Variants in AGTPBP1 observed in about 807,000 individuals in gnomAD.
The protein encoded by AGTPBP1 is cytosolic carboxypeptidase 1.
Under a neutral mutation model 143.9 loss-of-function variants are expected in AGTPBP1, and 70 were observed. The ratio of observed to expected loss-of-function variants is 0.49; its 90% CI spans 0.40 to 0.59. AGTPBP1 has a LOEUF of 0.59. Among genes scored for constraint, AGTPBP1 ranks in the 20% least tolerant of loss-of-function variants. AGTPBP1 has a pLI of 0.00. For synonymous variants in AGTPBP1, 463 were observed against 500.2 expected, an observed-to-expected ratio of 0.93 and a Z score of 0.99; for missense variants, 1,229 against 1,464.5, an observed-to-expected ratio of 0.84 and a Z score of 2.62.
intron 25 of AGTPBP1, among the ~76,000 whole-genome samples, chr9:85,549,709 T>C (rs528697452): frequency 6.6e-6 from 1 of 152,252 alleles, no homozygotes; most frequent in South Asian, 2.1e-4. Context: ...CTTAGAGCAA[T>C]GTTGGTATCA....
chr9:85,593,711 T>C lies in AGTPBP1; in HGVS notation c.2424-1007A>G, dbSNP rs566465877. Among the ~76,000 whole-genome samples the C allele has an allele frequency of 7.2e-5, 11 of 152,300 alleles. No homozygotes were observed. The South Asian group carries it at 2.3e-3, about 32-fold the overall frequency. On this transcript the variant is annotated intron_variant, in intron 18 of 25. Coordinates refer to ENST00000357081, the MANE Select transcript of AGTPBP1 (RefSeq NM_001330701.2). ...AAGTATAGATAAACAAAACTCACCA[T>C]GTGTTGATAATTGTTGATACTGGGT...
chr9:85,621,192 C>A lies in AGTPBP1; in HGVS notation c.2099+10G>T, dbSNP rs1431828013. The A allele has an allele frequency of 3.5e-6, 5 of 1,414,204 alleles. No homozygotes were observed. Among genetic ancestry groups the A allele is most frequent in the South Asian group, 1.7e-5 (1 of 59,506 alleles). The allele number at this position is 1,414,204 out of a possible 1,614,324, so 87.6% of individuals were successfully genotyped here. A position where few individuals can be genotyped will look rare whatever the true frequency, so the allele number is the denominator to read the frequency against. ...AAAACTAATAAAAGTTCATTAAAAT[C>A]AAGACTTACTTTGGGTTATCCAAGT... is the stretch of plus-strand genomic sequence containing the variant. On this transcript the variant is annotated intron_variant, in intron 15 of 25. Coordinates refer to ENST00000357081, the MANE Select transcript of AGTPBP1 (RefSeq NM_001330701.2).
chr9:85,781,128 A>C, the AGTPBP1 span: 1 of 1,457,126 alleles, frequency 6.9e-7, no homozygotes, highest in Non-Finnish European at 9.0e-7. Flanking sequence ...TCAAAAAGAC[A>C]AAGAAACAAA....
intron 3 of AGTPBP1, among the ~76,000 whole-genome samples, chr9:85,687,480 T>A (rs1378666358): frequency 6.6e-6 from 1 of 151,942 alleles, no homozygotes; most frequent in Non-Finnish European, 1.5e-5. Context: ...ATAAAACAAG[T>A]CTCAAGCAAT....
intron 1 of AGTPBP1, among the ~76,000 whole-genome samples, chr9:85,740,331 T>A (rs1436003287): frequency 6.6e-6 from 1 of 152,188 alleles, no homozygotes; most frequent in Non-Finnish European, 1.5e-5. Context: ...AATGAACCTG[T>A]AACTTCACCA....
intron 25 of AGTPBP1, among the ~76,000 whole-genome samples, 160 bp from the exon 26 acceptor site, chr9:85,547,446 G>T (rs959760388): frequency 1.3e-5 from 2 of 152,112 alleles, no homozygotes; most frequent in Non-Finnish European, 2.9e-5. Context: ...TTTATAATAG[G>T]TGAAAGTTCC....
At chr9:85,760,368 C>T in the AGTPBP1 span, among the ~76,000 whole-genome samples, 2 of 152,176 alleles carry the variant, frequency 1.3e-5, no homozygotes, top group African/African-American at 4.8e-5. Flanking sequence ...CAAAAATCCT[C>T]AATAAAATAT....
At chr9:85,718,816 T>G (rs1837899332) in intron 1 of AGTPBP1, among the ~76,000 whole-genome samples, 1 of 152,204 alleles carries the variant, frequency 6.6e-6, no homozygotes. Context: ...TACACTTAAG[T>G]CTTTAAACCA....
intron 15 of AGTPBP1, among the ~76,000 whole-genome samples, chr9:85,620,691 C>T (rs1245700783): frequency 6.6e-6 from 1 of 152,098 alleles, no homozygotes; most frequent in Non-Finnish European, 1.5e-5. Context: ...CAAAAAAAGG[C>T]ATTCCAAAGA....
chr9:85,798,201 C>T, the AGTPBP1 span, among the ~76,000 whole-genome samples: 1 of 151,904 alleles, frequency 6.6e-6, no homozygotes, highest in African/African-American at 2.4e-5. Context: ...TGTGCCCAGC[C>T]ACATGTTTTT....
chr9:85,603,626 G>A (rs903293398), intron 17 of AGTPBP1, among the ~76,000 whole-genome samples: 2 of 152,114 alleles, frequency 1.3e-5, no homozygotes, highest in Non-Finnish European at 2.9e-5. Flanking sequence ...AAGAGTAAAG[G>A]GGATTTTATC....
At chr9:85,577,925 G>A (rs1437329130) in intron 24 of AGTPBP1, among the ~76,000 whole-genome samples, 1 of 152,126 alleles carries the variant, frequency 6.6e-6, no homozygotes, top group Non-Finnish European at 1.5e-5. Flanking sequence ...CCAGTTAGAT[G>A]TTTCTTTTCA....
At chr9:85,607,306 C>T (rs1053399747) in intron 17 of AGTPBP1, among the ~76,000 whole-genome samples, 1 of 152,048 alleles carries the variant, frequency 6.6e-6, no homozygotes, top group Non-Finnish European at 1.5e-5. Flanking sequence ...TATTACATTA[C>T]ATTTAAAACA....
At chr9:85,724,868 C>T (rs902896202) in intron 1 of AGTPBP1, among the ~76,000 whole-genome samples, 3 of 152,068 alleles carry the variant, frequency 2.0e-5, no homozygotes, top group Non-Finnish European at 4.4e-5. Flanking sequence ...TTAATGAATG[C>T]TTTTAAGTTT....
chr9:85,581,047 C>T (rs1564028844), intron 23 of AGTPBP1, among the ~76,000 whole-genome samples: 2 of 152,304 alleles, frequency 1.3e-5, no homozygotes, highest in South Asian at 4.1e-4. Context: ...TTCACTTACC[C>T]CTTTATATAA....
chr9:85,691,296 T>A (rs1835857968), intron 3 of AGTPBP1, among the ~76,000 whole-genome samples: 1 of 152,080 alleles, frequency 6.6e-6, no homozygotes, highest in Admixed American at 6.6e-5. Flanking sequence ...GGGAGGAAGT[T>A]ATCAAAATAA....
At chr9:85,601,067 C>T (rs1829636779) in intron 17 of AGTPBP1, among the ~76,000 whole-genome samples, 1 of 152,190 alleles carries the variant, frequency 6.6e-6, no homozygotes, top group African/African-American at 2.4e-5. Flanking sequence ...TGTGGTCACC[C>T]TATATTAACA....
At chr9:85,715,527 A>G (rs1837649096) in intron 1 of AGTPBP1, among the ~76,000 whole-genome samples, 1 of 152,188 alleles carries the variant, frequency 6.6e-6, no homozygotes, top group Non-Finnish European at 1.5e-5. Context: ...ACTGTGGAAC[A>G]TGCTCAGCAG....
At chr9:85,644,392 T>C in intron 12 of AGTPBP1, among the ~76,000 whole-genome samples, 1 of 151,588 alleles carries the variant, frequency 6.6e-6, no homozygotes, top group East Asian at 1.9e-4. Context: ...TTTGACACTA[T>C]TTTGTGAAAA....
Sources: allele counts gnomAD v4.1 joint callset (sites outside exome capture counted in the v4.1 genomes callset), GRCh38; gene constraint gnomAD v4.1.1; transcripts MANE v1.5; gene names NCBI Gene and HGNC (gene_info 2026-07-23, HGNC 2026-07-21).